Variants in UNC79 observed in about 807,000 individuals in gnomAD.
UNC79 encodes the protein unc-79 subunit of NALCN channel complex.
UNC79 carries 37 observed loss-of-function variants against 283.1 expected under a neutral mutation model. The observed-to-expected ratio is 0.13, with a 90% CI of 0.10 to 0.17. The LOEUF (loss-of-function observed/expected upper bound fraction) is 0.17, where lower values mean the gene tolerates loss of function less well. UNC79 is among the 10% of genes least tolerant of loss of function. UNC79 has a pLI of 1.00. For missense variants in UNC79, 2,272 were observed against 3,211.1 expected (o/e 0.71, Z 7.07); for synonymous variants, 1,107 against 1,200.2 (o/e 0.92, Z 1.61).
chr14:93,372,372 A>G (rs1209025481), intron 1 of UNC79, among the ~76,000 whole-genome samples: 7 of 152,238 alleles, frequency 4.6e-5, no homozygotes, highest in Non-Finnish European at 1.0e-4. Flanking sequence ...CAGTTAAAAG[A>G]CAGAGATTGT....
At chr14:93,471,499 C>T (rs1442882109) in intron 2 of UNC79, among the ~76,000 whole-genome samples, 1 of 151,782 alleles carries the variant, frequency 6.6e-6, no homozygotes, top group Admixed American at 6.6e-5. Context: ...GTTGGGTTTA[C>T]AGAACTGTGG....
At chr14:93,559,963 G>A (rs1314274518) in intron 14 of UNC79, among the ~76,000 whole-genome samples, 1 of 152,086 alleles carries the variant, frequency 6.6e-6, no homozygotes, top group Non-Finnish European at 1.5e-5. Context: ...GGTGCTTCAA[G>A]CGGGATTAGG....
At chr14:93,530,331 G>T (rs2060748005) in intron 10 of UNC79, among the ~76,000 whole-genome samples, 1 of 152,212 alleles carries the variant, frequency 6.6e-6, no homozygotes, top group African/African-American at 2.4e-5. Flanking sequence ...AGTACTTTGG[G>T]AAGTGGAGGC....
At chr14:93,348,008 CGT>C in intron 1 of UNC79, 1 of 1,485,550 alleles carries the variant, frequency 6.7e-7, no homozygotes, top group Non-Finnish European at 9.4e-7. Context: ...CTCAGCAGCG[CGT>C]GTCATCTTCT....
chr14:93,443,424 CT>C (rs144182882), intron 1 of UNC79, among the ~76,000 whole-genome samples: 27 of 138,842 alleles, frequency 1.9e-4, no homozygotes, highest in South Asian at 2.3e-4. Flanking sequence ...TGTCTGACTT[CT>C]TTTTTTTTTT....
intron 41 of UNC79, among the ~76,000 whole-genome samples, chr14:93,681,742 A>G (rs918142263): frequency 6.6e-6 from 1 of 152,266 alleles, no homozygotes; most frequent in Non-Finnish European, 1.5e-5. Flanking sequence ...AATTGCTCAT[A>G]GCCAACTCTA....
intron 1 of UNC79, among the ~76,000 whole-genome samples, chr14:93,410,216 G>A (rs1010705286): frequency 3.3e-5 from 5 of 152,200 alleles, no homozygotes; most frequent in African/African-American, 1.2e-4. Context: ...ATAGCAAAAA[G>A]CAATACCAGG....
intron 38 of UNC79, among the ~76,000 whole-genome samples, chr14:93,657,115 C>T (rs976973640): frequency 6.6e-6 from 1 of 152,118 alleles, no homozygotes; most frequent in Non-Finnish European, 1.5e-5. Context: ...TCTTTACCAC[C>T]TCTTATATTC....
At chr14:93,540,542 A>T (rs1442317527) in intron 12 of UNC79, 118 bp from the exon 13 acceptor site, 1 of 1,153,152 alleles carries the variant, frequency 8.7e-7, no homozygotes, top group African/African-American at 1.6e-5. Flanking sequence ...ACAGTACTCA[A>T]TTTAAAGAAG....
At chr14:93,556,640 G>A (rs1321757631) in intron 14 of UNC79, among the ~76,000 whole-genome samples, 1 of 151,444 alleles carries the variant, frequency 6.6e-6, no homozygotes, top group African/African-American at 2.4e-5. Context: ...GAGGGCGTGT[G>A]TGCCAGAGGA....
intron 1 of UNC79, among the ~76,000 whole-genome samples, chr14:93,335,979 TC>T (rs1417092444): frequency 2.6e-5 from 4 of 152,220 alleles, no homozygotes; most frequent in African/African-American, 7.2e-5. Flanking sequence ...GTGAATGGCA[TC>T]CCATCCACCT....
At chr14:93,519,384 T>A (rs2060216807) in intron 7 of UNC79, among the ~76,000 whole-genome samples, 3 of 151,802 alleles carry the variant, frequency 2.0e-5, no homozygotes, top group Non-Finnish European at 3.0e-5. Flanking sequence ...ACTTCTAGCT[T>A]ATCTGAGCCT....
chr14:93,705,315 T>G (rs2075799963), intron 48 of UNC79, among the ~76,000 whole-genome samples: 1 of 141,710 alleles, frequency 7.1e-6, no homozygotes, highest in Admixed American at 7.4e-5. Flanking sequence ...AACAAGATTG[T>G]GTATATATAG....
intron 26 of UNC79, among the ~76,000 whole-genome samples, chr14:93,608,840 T>C (rs2066081483): frequency 6.6e-6 from 1 of 152,220 alleles, no homozygotes; most frequent in Non-Finnish European, 1.5e-5. Flanking sequence ...TATTTGAGTT[T>C]AGTGCACTTT....
intron 7 of UNC79, among the ~76,000 whole-genome samples, chr14:93,520,954 A>G (rs1229902284): frequency 6.6e-6 from 1 of 151,966 alleles, no homozygotes; most frequent in African/African-American, 2.4e-5. Flanking sequence ...ATATCAAATA[A>G]TTTTGACTGG....
intron 14 of UNC79, among the ~76,000 whole-genome samples, chr14:93,552,586 A>G (rs1199110625): frequency 6.6e-6 from 1 of 152,236 alleles, no homozygotes; most frequent in South Asian, 2.1e-4. Flanking sequence ...TCTCATTTTT[A>G]TCAAAGACAA....
intron 1 of UNC79, among the ~76,000 whole-genome samples, chr14:93,386,025 G>A (rs2054767607): frequency 6.6e-6 from 1 of 152,228 alleles, no homozygotes; most frequent in Non-Finnish European, 1.5e-5. Flanking sequence ...TAACAGTGAT[G>A]ACAGTGGGCA....
At chr14:93,589,301 G>A (rs2064481258) in intron 22 of UNC79, among the ~76,000 whole-genome samples, 1 of 152,140 alleles carries the variant, frequency 6.6e-6, no homozygotes, top group Non-Finnish European at 1.5e-5. Flanking sequence ...TCAGAGGGAT[G>A]AGGATTCCAG....
chr14:93,470,390 G>C (rs1441402668), intron 2 of UNC79, among the ~76,000 whole-genome samples: 1 of 152,170 alleles, frequency 6.6e-6, no homozygotes, highest in Non-Finnish European at 1.5e-5. Context: ...TGTTACCATA[G>C]TTGACTATAA....
Sources: allele counts gnomAD v4.1 joint callset (sites outside exome capture counted in the v4.1 genomes callset), GRCh38; gene constraint gnomAD v4.1.1; transcripts MANE v1.5; gene names NCBI Gene and HGNC (gene_info 2026-07-23, HGNC 2026-07-21).